STAC: variants seen among roughly 807,000 people sequenced by gnomAD.
STAC encodes the protein SH3 and cysteine-rich domain-containing protein.
A neutral mutation model predicts 48.8 loss-of-function variants in STAC; 43 were observed. The ratio of observed to expected loss-of-function variants is 0.88; its 90% CI spans 0.69 to 1.14. STAC has a LOEUF of 1.14. Among genes scored for constraint, STAC ranks in the 50% most tolerant of loss-of-function variants. The pLI is 0.00. For missense variants in STAC, 497 were observed against 504.0 expected, an observed-to-expected ratio of 0.99 and a Z score of 0.13; for synonymous variants, 193 against 179.5, an observed-to-expected ratio of 1.07 and a Z score of -0.60.
At chr3:36,494,276 A>G (rs1698078591) in intron 6 of STAC, among the ~76,000 whole-genome samples, 1 of 151,962 alleles carries the variant, frequency 6.6e-6, no homozygotes, top group Admixed American at 6.6e-5. Flanking sequence ...CTTAACCTTC[A>G]CTAGTTTATC....
chr3:36,419,042 C>T (rs1700386685), intron 1 of STAC, among the ~76,000 whole-genome samples: 7 of 131,622 alleles, frequency 5.3e-5, no homozygotes, highest in Admixed American at 1.6e-4. Context: ...AGTGAAACTC[C>T]GACTCAAAAA....
chr3:36,440,007 G>C (rs1213702440), intron 1 of STAC, among the ~76,000 whole-genome samples: 2 of 152,236 alleles, frequency 1.3e-5, no homozygotes, highest in Non-Finnish European at 2.9e-5. Context: ...GAGGGAAAGG[G>C]ACAAAAGTCT....
intron 8 of STAC, among the ~76,000 whole-genome samples, chr3:36,521,854 G>A (rs1698815906): frequency 6.6e-6 from 1 of 152,138 alleles, no homozygotes; most frequent in African/African-American, 2.4e-5. Flanking sequence ...AACATTTTGG[G>A]ATGCTGAGGC....
chr3:36,431,908 G>T (rs1178671384), intron 1 of STAC, among the ~76,000 whole-genome samples: 2 of 152,076 alleles, frequency 1.3e-5, no homozygotes, highest in African/African-American at 4.8e-5. Flanking sequence ...GTAGAAAAAA[G>T]GGCTATTATT....
intron 1 of STAC, among the ~76,000 whole-genome samples, chr3:36,409,010 A>T (rs894607015): frequency 3.9e-5 from 6 of 152,208 alleles, no homozygotes; most frequent in African/African-American, 1.4e-4. Context: ...ATAGTGGGAA[A>T]CATTAATGAT....
chr3:36,420,300 A>G (rs1448950831), intron 1 of STAC, among the ~76,000 whole-genome samples: 13 of 152,232 alleles, frequency 8.5e-5, no homozygotes, highest in Admixed American at 7.2e-4. Flanking sequence ...TGCTGTAGTC[A>G]TTGTTACTTT....
chr3:36,542,440 A>T (rs1218302376), intron 10 of STAC, among the ~76,000 whole-genome samples: 1 of 152,118 alleles, frequency 6.6e-6, no homozygotes, highest in Non-Finnish European at 1.5e-5. Context: ...TTGTGGCTTC[A>T]TCTTACACCC....
At position 36,443,702 on chromosome 3, in the gene STAC, G is replaced by A. The variant is rs1696425713; in HGVS notation, c.388+62G>A. On this transcript the variant is annotated intron_variant, in intron 2 of 10. Coordinates refer to ENST00000273183, the MANE Select transcript of STAC (RefSeq NM_003149.3). The surrounding 1 kb of genome is among the most constrained non-coding windows in gnomAD (Gnocchi z 4.2). Reference sequence around the variant, plus strand: ...CCCCGGAAAGCTGAGTGAGAGTGGTGTGCCACGGGTCCAGGTACCTACGGA... The same window carrying A: ...CCCCGGAAAGCTGAGTGAGAGTGGTATGCCACGGGTCCAGGTACCTACGGA... The A allele has an allele frequency of 1.3e-6, 2 of 1,581,100 alleles. No individual in the cohort carries two copies. Among genetic ancestry groups the A allele is most frequent in the East Asian group, 4.5e-5 (2 of 44,652 alleles).
chr3:36,520,936 G>A (rs529488845), intron 8 of STAC, among the ~76,000 whole-genome samples: 6 of 152,252 alleles, frequency 3.9e-5, no homozygotes, highest in African/African-American at 7.2e-5. Context: ...AGGCAGTCTC[G>A]TGGATATCAG....
In STAC at chr3:36,398,328, A is replaced by AAAGAAAGC. The variant is rs1553631459; in HGVS notation, c.111+17581_111+17582insCAAGAAAG. On this transcript the variant is annotated intron_variant, in intron 1 of 10. Coordinates refer to ENST00000273183, the MANE Select transcript of STAC (RefSeq NM_003149.3). ...GAAAGAAAGAAAGAAAGCAAGAAAG[A>AAAGAAAGC]AAGAAAGAAAGAAAGAAAGAAAGAA... 8.5e-3 allele frequency among the ~76,000 whole-genome samples: 981 copies of AAAGAAAGC among 115,614 alleles called. 13 individuals carry two copies. Among genetic ancestry groups the AAAGAAAGC allele is most frequent in the Non-Finnish European group, 0.012 (623 of 50,174 alleles). 75.8% of individuals were successfully genotyped at this position (115,614 alleles called of 152,430 possible). A position where few individuals can be genotyped will look rare whatever the true frequency, so the allele number is the denominator to read the frequency against.
At chr3:36,480,386 C>T (rs1244247156) in intron 2 of STAC, among the ~76,000 whole-genome samples, 1 of 152,108 alleles carries the variant, frequency 6.6e-6, no homozygotes, top group Non-Finnish European at 1.5e-5. Flanking sequence ...ATTATGACAG[C>T]AGACACACAT....
intron 2 of STAC, among the ~76,000 whole-genome samples, chr3:36,468,368 T>C (rs1456743267): frequency 6.6e-6 from 1 of 152,044 alleles, no homozygotes; most frequent in Non-Finnish European, 1.5e-5. Context: ...GAATGTATAT[T>C]CTGTAGTTGT....
chr3:36,502,836 G>A (rs746835637), intron 6 of STAC, among the ~76,000 whole-genome samples: 2 of 152,098 alleles, frequency 1.3e-5, no homozygotes, highest in African/African-American at 2.4e-5. Context: ...TCATAGAACC[G>A]GGCCTTCGTT....
At chr3:36,412,409 A>G (rs1200560596) in intron 1 of STAC, among the ~76,000 whole-genome samples, 1 of 152,154 alleles carries the variant, frequency 6.6e-6, no homozygotes, top group Non-Finnish European at 1.5e-5. Flanking sequence ...AGCTGGATAC[A>G]TTGCTGTTCC....
chr3:36,480,519 C>T (rs1439955741), intron 2 of STAC, among the ~76,000 whole-genome samples: 2 of 151,992 alleles, frequency 1.3e-5, no homozygotes, highest in Non-Finnish European at 2.9e-5. Flanking sequence ...AGGTTCTTAC[C>T]CCCCCTTATT....
chr3:36,490,543 G>C (rs1463208885), intron 5 of STAC, among the ~76,000 whole-genome samples: 6 of 152,092 alleles, frequency 3.9e-5, no homozygotes, highest in African/African-American at 1.4e-4. Context: ...TGGGAGGCTG[G>C]CATTGGTGGA....
At chr3:36,530,069 G>T (rs566320695) in intron 10 of STAC, among the ~76,000 whole-genome samples, 1 of 152,176 alleles carries the variant, frequency 6.6e-6, no homozygotes, top group Admixed American at 6.5e-5. Flanking sequence ...GCAGTGAGCC[G>T]AGATCGTGCC....
intron 10 of STAC, among the ~76,000 whole-genome samples, chr3:36,530,650 C>A (rs1387558143): frequency 1.6e-5 from 2 of 123,174 alleles, no homozygotes; most frequent in Non-Finnish European, 3.1e-5. Flanking sequence ...GGCTGGAGTG[C>A]AATGGCACAA....
chr3:36,413,137 C>A (rs527650846), intron 1 of STAC, among the ~76,000 whole-genome samples: 5 of 152,098 alleles, frequency 3.3e-5, no homozygotes, highest in African/African-American at 1.2e-4. Context: ...GGTGCTGAGA[C>A]GAATGTATAT....
Sources: gnomAD v4.1 joint callset for allele counts (sites outside exome capture counted in the v4.1 genomes callset) on GRCh38, gnomAD v4.1.1 for gene constraint, Gnocchi (gnomAD v3.1) non-coding constraint, MANE v1.5 for transcripts, NCBI Gene and HGNC (gene_info 2026-07-23, HGNC 2026-07-21) for gene names.